RRP1B: variants seen among roughly 807,000 people sequenced by gnomAD.
RRP1B encodes the protein ribosomal RNA processing 1B.
RRP1B carries 56 observed loss-of-function variants against 80.2 expected under a neutral mutation model. The observed-to-expected ratio is 0.70, with a 90% CI of 0.56 to 0.87. The LOEUF (loss-of-function observed/expected upper bound fraction) is 0.87, where lower values mean the gene tolerates loss of function less well. Ranked by LOEUF, RRP1B falls within the 40% of genes least tolerant of loss-of-function variation. The pLI is 0.00. For missense variants in RRP1B, 807 were observed against 939.8 expected (o/e 0.86, Z 1.85); for synonymous variants, 351 against 357.6 (o/e 0.98, Z 0.21).
chr21:43,668,110 G>A (rs1449243877), intron 1 of RRP1B, among the ~76,000 whole-genome samples: 1 of 151,788 alleles, frequency 6.6e-6, no homozygotes, highest in Non-Finnish European at 1.5e-5. Context: ...TCTTGAGGCT[G>A]AGGCAGGAGA....
rs776192169 is a variant in RRP1B at position 43,688,117 on chromosome 21, G to T, written c.1743G>T (p.Glu581Asp). The change falls in exon 13 of 16, where the codon GAG (glutamate) becomes GAT (aspartate). Residue 581 changes from glutamate to aspartate, a missense_variant. Coordinates refer to ENST00000340648, the MANE Select transcript of RRP1B (RefSeq NM_015056.3). ...AGAAGGCAGGGCCCGGCAGCCTGGAGCTCTGTGGCCTGCCCAGCCAGAAAA... is the reference window on the plus strand; with the variant it reads ...AGAAGGCAGGGCCCGGCAGCCTGGATCTCTGTGGCCTGCCCAGCCAGAAAA... ...QKKKAGPGSL[E>D]LCGLPSQKTA... The T allele has an allele frequency of 1.4e-5, 22 of 1,598,872 alleles. No individual in the cohort carries two copies. The highest frequency in any genetic ancestry group is 1.9e-5 in the Non-Finnish European group (22 of 1,173,138).
At position 43,687,654 on chromosome 21, in the gene RRP1B, G is replaced by A. The variant is rs771732565; in HGVS notation, c.1280G>A (p.Arg427Gln). Reference sequence around the variant, plus strand: ...GCAGCCCCATCCCTGGAACAGAACCGGGGCAGGGAGCCCGAGGCCTCTGGG... The same window carrying A: ...GCAGCCCCATCCCTGGAACAGAACCAGGGCAGGGAGCCCGAGGCCTCTGGG... ...GGAAPSLEQNRGREPEASGLK... is the reference protein window; with the variant it reads ...GGAAPSLEQNQGREPEASGLK... Residue 427 changes from arginine to glutamine, a missense_variant, in exon 13 of 16, where the codon CGG becomes CAG. Physicochemically the swap from Arg to Gln is conservative, Grantham distance 43. Transcript: ENST00000340648. The A allele has an allele frequency of 7.6e-6, 12 of 1,583,912 alleles. No individual in the cohort carries two copies. Among genetic ancestry groups the A allele is most frequent in the Non-Finnish European group, 1.0e-5 (12 of 1,163,706 alleles).
At chr21:43,684,075 A>ATTTT (rs538807611) in intron 9 of RRP1B, among the ~76,000 whole-genome samples, 5,164 of 135,784 alleles carry the variant, frequency 0.038, 410 homozygotes, top group African/African-American at 0.14. Context: ...CCCAAGAATA[A>ATTTT]TTTTTTTTTT....
In RRP1B at chr21:43,659,640, G is replaced by T. The variant is rs757293462; in HGVS notation, c.-25G>T. 8 of 1,461,614 alleles carry T rather than the reference G, an allele frequency of 5.5e-6. No homozygotes were observed. The South Asian group carries it at 6.7e-5, about 12-fold the overall frequency. 90.5% of individuals were successfully genotyped at this position (1,461,614 alleles called of 1,614,324 possible). On this transcript the variant is annotated 5_prime_UTR_variant, in exon 1 of 16. Coordinates refer to ENST00000340648, the MANE Select transcript of RRP1B (RefSeq NM_015056.3). This position sits in a 1 kb window ranked among gnomAD's most constrained non-coding sequence, Gnocchi z 4.2. ...GCTGCAGCGGCACCGCGGGTTGCGC[G>T]GCCGGGGATGCTCCAGCGGGCGCGA...
chr21:43,672,621 T>C (rs551562178), intron 3 of RRP1B, among the ~76,000 whole-genome samples: 1 of 152,294 alleles, frequency 6.6e-6, no homozygotes, highest in South Asian at 2.1e-4. Flanking sequence ...ACTTTAACAC[T>C]TGGAGCCTGG....
rs758683018 is a variant in RRP1B at position 43,672,289 on chromosome 21, C to A, written c.214-19C>A. The A allele has an allele frequency of 2.5e-6, 4 of 1,613,608 alleles. No individual in the cohort carries two copies. In the South Asian group the frequency reaches 4.4e-5, roughly 18 times the overall value. Reference sequence around the variant, plus strand: ...CCCCACGATAACCCCCATGTTTCTCCCCAACCCCGCCTCTGCAGGAAGAGC... The same window carrying A: ...CCCCACGATAACCCCCATGTTTCTCACCAACCCCGCCTCTGCAGGAAGAGC... On this transcript the variant is annotated intron_variant, in intron 2 of 15. Transcript: ENST00000340648.
chr21:43,693,542 CTG>C lies in RRP1B; in HGVS notation c.*161_*162del, dbSNP rs981434785. On this transcript the variant is annotated 3_prime_UTR_variant, in exon 16 of 16. Transcript: ENST00000340648. This position sits in a 1 kb window ranked among gnomAD's most constrained non-coding sequence, Gnocchi z 4.1. ...CGCAGGCTGCTGCGTCCTGGCCCCT[CTG>C]TAGTGGCTGCGGGCGTCTTGGTTGA... is the stretch of plus-strand genomic sequence containing the variant. 3.1e-5 allele frequency: 19 copies of C among 616,168 alleles called. No homozygotes were observed. The highest frequency in any genetic ancestry group is 7.7e-5 in the African/African-American group (4 of 51,786). 38.2% of individuals were successfully genotyped at this position (616,168 alleles called of 1,614,324 possible). A position where few individuals can be genotyped will look rare whatever the true frequency, so the allele number is the denominator to read the frequency against.
intron 8 of RRP1B, among the ~76,000 whole-genome samples, chr21:43,677,917 C>G (rs2083028894): frequency 6.6e-6 from 1 of 152,224 alleles, no homozygotes; most frequent in Non-Finnish European, 1.5e-5. Flanking sequence ...AATGGGCATT[C>G]AGGCCGGTTC....
rs774621461 is a variant in RRP1B at position 43,685,725 on chromosome 21, A to G, written c.990-45A>G. The G allele has an allele frequency of 2.3e-5, 31 of 1,347,558 alleles. 1 individual carries two copies. The highest frequency in any genetic ancestry group is 1.7e-4 in the South Asian group (11 of 64,376). The allele number at this position is 1,347,558 out of a possible 1,614,324, so 83.5% of individuals were successfully genotyped here. A position where few individuals can be genotyped will look rare whatever the true frequency, so the allele number is the denominator to read the frequency against. ...AGACAGAAGGGATTTCTTTATGAAC[A>G]TTTGTTATTTTTTTATTTTTTATTT... is the stretch of plus-strand genomic sequence containing the variant. On this transcript the variant is annotated intron_variant, in intron 10 of 15. Coordinates refer to ENST00000340648, the MANE Select transcript of RRP1B (RefSeq NM_015056.3).
In RRP1B at chr21:43,691,643, T is replaced by A. The variant is rs1308866475; in HGVS notation, c.2083+141T>A. ...TGCCCATTTCTTTATTTTTATTTTT[T>A]TTTTTTTTTTGAGACAGAGTCTCGC... On this transcript the variant is annotated intron_variant, in intron 15 of 15. Coordinates refer to ENST00000340648, the MANE Select transcript of RRP1B (RefSeq NM_015056.3). The surrounding 1 kb of genome is among the most constrained non-coding windows in gnomAD (Gnocchi z 4.2). 116 of 622,306 alleles carry A rather than the reference T, an allele frequency of 1.9e-4. 1 individual carries two copies. The highest frequency in any genetic ancestry group is 7.0e-4 in the East Asian group (24 of 34,346). 38.5% of individuals were successfully genotyped at this position (622,306 alleles called of 1,614,324 possible).
chr21:43,664,777 A>AG (rs1454444832), intron 1 of RRP1B, among the ~76,000 whole-genome samples: 1 of 152,222 alleles, frequency 6.6e-6, no homozygotes, highest in African/African-American at 2.4e-5. Context: ...CAGACAGCAA[A>AG]GGAGAAACAA....
In RRP1B at chr21:43,690,332, G is replaced by A. The variant is rs781533790; in HGVS notation, c.1911G>A (p.Arg637=). 2 of 1,614,194 alleles carry A rather than the reference G, an allele frequency of 1.2e-6. No individual in the cohort carries two copies. ...GTTCCCTGAAGAAGCAGAAGCTGAGGGCAGAGAGCGACTTTGTGAAGTTTG... is the reference window on the plus strand; with the variant it reads ...GTTCCCTGAAGAAGCAGAAGCTGAGAGCAGAGAGCGACTTTGTGAAGTTTG... ...TCSSLKKQKL[R]AESDFVKFDT... is the part of the protein sequence containing the mutation. The change falls in exon 14 of 16, where the codon AGG becomes AGA. Residue 637 remains arginine, a synonymous_variant. Coordinates refer to ENST00000340648, the MANE Select transcript of RRP1B (RefSeq NM_015056.3).
chr21:43,692,182 GTC>G (rs1334123197), intron 15 of RRP1B, among the ~76,000 whole-genome samples: 1 of 152,260 alleles, frequency 6.6e-6, no homozygotes, highest in Non-Finnish European at 1.5e-5. Context: ...AGCTGTAGCT[GTC>G]TCTCTGCGAA....
chr21:43,664,169 T>G (rs980332201), intron 1 of RRP1B, among the ~76,000 whole-genome samples: 1 of 152,024 alleles, frequency 6.6e-6, no homozygotes, highest in Non-Finnish European at 1.5e-5. Flanking sequence ...CCGGGCGCAG[T>G]GGCTCACGCC....
At chr21:43,689,270 G>C (rs1312786640) in intron 13 of RRP1B, among the ~76,000 whole-genome samples, 1 of 152,266 alleles carries the variant, frequency 6.6e-6, no homozygotes, top group Non-Finnish European at 1.5e-5. Flanking sequence ...GCCCTTCACA[G>C]AGTTTGCGCA....
intron 11 of RRP1B, 156 bp from the exon 12 acceptor site, chr21:43,686,648 T>G (rs75256960): frequency 0.02 from 16,287 of 800,918 alleles, 241 homozygotes; most frequent in Non-Finnish European, 0.024. Flanking sequence ...TTTTTAAGTC[T>G]GTAATTCCTG....
intron 6 of RRP1B, 47 bp downstream of exon 6, chr21:43,675,210 T>C (rs1344617628): frequency 1.3e-6 from 2 of 1,599,168 alleles, no homozygotes; most frequent in Non-Finnish European, 1.7e-6. Context: ...GGGCCGCCAG[T>C]GTTCGCAGTA....
intron 1 of RRP1B, among the ~76,000 whole-genome samples, chr21:43,668,534 AT>A (rs753374616): frequency 2.0e-5 from 3 of 151,296 alleles, no homozygotes; most frequent in Admixed American, 1.3e-4. Context: ...TACCCGGCTA[AT>A]TTTTTTTGTA....
intron 1 of RRP1B, among the ~76,000 whole-genome samples, chr21:43,668,516 C>T (rs1321292444): frequency 1.7e-4 from 26 of 151,746 alleles, no homozygotes; most frequent in Non-Finnish European, 3.7e-4. Context: ...TATAGGCGCC[C>T]GCCACCATAC....
Sources: allele counts gnomAD v4.1 joint callset (sites outside exome capture counted in the v4.1 genomes callset), GRCh38; gene constraint gnomAD v4.1.1; non-coding constraint Gnocchi (gnomAD v3.1); transcripts MANE v1.5; gene names NCBI Gene and HGNC (gene_info 2026-07-23, HGNC 2026-07-21).